Variants in CEP128 observed in about 807,000 individuals in gnomAD.
The protein encoded by CEP128 is centrosomal protein 128, also known as centrosomal protein 128kDa.
In CEP128, 132 loss-of-function variants were observed where a neutral mutation model predicts 156.7. The observed-to-expected ratio is 0.84, with a 90% CI of 0.73 to 0.97. CEP128 has a LOEUF of 0.97. Among genes scored for constraint, CEP128 ranks in the 50% least tolerant of loss-of-function variants. CEP128 has a pLI of 0.00. For synonymous variants in CEP128, 469 were observed against 448.9 expected (o/e 1.04, Z -0.57); for missense variants, 1,252 against 1,281.9 (o/e 0.98, Z 0.36).
chr14:80,501,832 C>T (rs1330265347), intron 24 of CEP128, among the ~76,000 whole-genome samples: 4 of 151,826 alleles, frequency 2.6e-5, no homozygotes, highest in African/African-American at 4.8e-5. Context: ...GGCTTCGACA[C>T]CTGCCCAAAT....
chr14:80,689,200 CA>C (rs564500178), intron 19 of CEP128, among the ~76,000 whole-genome samples: 5 of 129,466 alleles, frequency 3.9e-5, no homozygotes, highest in African/African-American at 1.1e-4. Flanking sequence ...ACTAAAAATA[CA>C]AAAAAAAATT....
intron 21 of CEP128, among the ~76,000 whole-genome samples, chr14:80,558,478 C>T (rs1360851942): frequency 1.3e-5 from 2 of 152,042 alleles, no homozygotes; most frequent in East Asian, 1.9e-4. Flanking sequence ...TTAGTAAAGA[C>T]GGGGTTTTAC....
rs138475935 is a variant in CEP128, at chr14:80,929,866, C to T, written c.-16+9519G>A. Among the ~76,000 whole-genome samples the T allele has an allele frequency of 3.7e-3, 564 of 152,296 alleles. 3 individuals carry two copies. The highest frequency in any genetic ancestry group is 0.013 in the African/African-American group (524 of 41,558). The stretch of plus-strand genomic sequence containing the variant: ...ACCACTTACATCCTAAAGCAGGGGT[C>T]TCCAGCCATGAGCCAAGGACCACTA... On this transcript the variant is annotated intron_variant, in intron 2 of 24. Transcript: ENST00000555265.
chr14:80,845,711 T>C (rs1482114504), intron 9 of CEP128, among the ~76,000 whole-genome samples: 2 of 152,150 alleles, frequency 1.3e-5, no homozygotes, highest in African/African-American at 4.8e-5. Flanking sequence ...GTTTTTTTTG[T>C]TTTTCACTAT....
At chr14:80,835,591 T>A (rs915330488) in intron 12 of CEP128, among the ~76,000 whole-genome samples, 1 of 152,196 alleles carries the variant, frequency 6.6e-6, no homozygotes, top group African/African-American at 2.4e-5. Flanking sequence ...ATAATCTCAA[T>A]ATTATCATTA....
intron 15 of CEP128, among the ~76,000 whole-genome samples, 168 bp from the exon 16 acceptor site, chr14:80,778,214 T>C (rs567702099): frequency 2.0e-5 from 3 of 152,346 alleles, no homozygotes; most frequent in African/African-American, 7.2e-5. Context: ...TTGCAGTTAT[T>C]CAATCGCTCA....
intron 14 of CEP128, among the ~76,000 whole-genome samples, chr14:80,788,812 C>T (rs1901556288): frequency 6.6e-6 from 1 of 152,238 alleles, no homozygotes; most frequent in East Asian, 1.9e-4. Flanking sequence ...TTTCCATAAA[C>T]TTGAATTTTT....
At chr14:80,758,308 G>A (rs913956289) in intron 17 of CEP128, among the ~76,000 whole-genome samples, 2 of 152,172 alleles carry the variant, frequency 1.3e-5, no homozygotes, top group Admixed American at 6.5e-5. Flanking sequence ...GATCACCTGA[G>A]GTCAGGAGTA....
At chr14:80,707,286 GA>G (rs1295613103) in intron 19 of CEP128, among the ~76,000 whole-genome samples, 1 of 152,084 alleles carries the variant, frequency 6.6e-6, no homozygotes, top group African/African-American at 2.4e-5. Context: ...TGGTTCTAAT[GA>G]CAGTTAAATT....
chr14:80,888,731 G>GCC (rs1282741010), intron 8 of CEP128, among the ~76,000 whole-genome samples: 1 of 152,146 alleles, frequency 6.6e-6, no homozygotes, highest in African/African-American at 2.4e-5. Context: ...AGACAAGGAT[G>GCC]CCCTCTCTCT....
At chr14:80,931,121 G>A (rs1885436110) in intron 2 of CEP128, among the ~76,000 whole-genome samples, 1 of 152,214 alleles carries the variant, frequency 6.6e-6, no homozygotes, top group African/African-American at 2.4e-5. Flanking sequence ...AGGAGGATGT[G>A]CATGAGGATA....
At chr14:80,749,528 G>A (rs940539434) in intron 18 of CEP128, among the ~76,000 whole-genome samples, 1 of 152,138 alleles carries the variant, frequency 6.6e-6, no homozygotes, top group Non-Finnish European at 1.5e-5. Flanking sequence ...CCAGAAAAAG[G>A]AAGACGAACT....
At chr14:80,595,005 C>T (rs1892250671) in intron 19 of CEP128, among the ~76,000 whole-genome samples, 1 of 152,188 alleles carries the variant, frequency 6.6e-6, no homozygotes, top group Non-Finnish European at 1.5e-5. Flanking sequence ...AATCATTCTA[C>T]TGTTAAAACA....
At chr14:80,668,891 A>C (rs1895732537) in intron 19 of CEP128, among the ~76,000 whole-genome samples, 1 of 152,192 alleles carries the variant, frequency 6.6e-6, no homozygotes, top group Admixed American at 6.5e-5. Context: ...GTTTTATAAA[A>C]GGAAGTTCCC....
At chr14:80,691,902 A>G (rs908678107) in intron 19 of CEP128, among the ~76,000 whole-genome samples, 21 of 152,244 alleles carry the variant, frequency 1.4e-4, no homozygotes, top group African/African-American at 5.1e-4. Context: ...ATCAGGGAAT[A>G]TCATCCAAAA....
chr14:80,955,548 C>T, intron 2 of CEP128: 1 of 1,085,188 alleles, frequency 9.2e-7, no homozygotes, highest in East Asian at 2.4e-5. Flanking sequence ...GGTGAGGTCA[C>T]AGCCCCTTGG....
chr14:80,909,593 G>A (rs145700605), intron 4 of CEP128, among the ~76,000 whole-genome samples: 7 of 152,088 alleles, frequency 4.6e-5, no homozygotes, highest in East Asian at 1.9e-4. Context: ...ATAAAATTAC[G>A]TTATGTAAAG....
rs371671363 is a variant in CEP128 at position 80,901,896 on chromosome 14, AAATAATTT to A, written c.481-1875_481-1868del. On this transcript the variant is annotated intron_variant, in intron 6 of 24. Coordinates refer to ENST00000555265, the MANE Select transcript of CEP128 (RefSeq NM_152446.5). ...CACTACAGCCAGAGTGATCTTTTCA[AAATAATTT>A]TGTCAGCCCTGTTACACGGCTCTAC... Among the ~76,000 whole-genome samples, 866 of 152,246 alleles carry A rather than the reference AAATAATTT, an allele frequency of 5.7e-3. 9 individuals are homozygous for A. The highest frequency in any genetic ancestry group is 0.02 in the African/African-American group (831 of 41,546).
chr14:80,893,357 G>T (rs1032289450), intron 8 of CEP128, among the ~76,000 whole-genome samples: 1 of 151,748 alleles, frequency 6.6e-6, no homozygotes, highest in African/African-American at 2.4e-5. Flanking sequence ...ATGGGAAGAT[G>T]CAGGTCAGAG....
Sources: gnomAD v4.1 joint callset for allele counts (sites outside exome capture counted in the v4.1 genomes callset) on GRCh38, gnomAD v4.1.1 for gene constraint, MANE v1.5 for transcripts, NCBI Gene and HGNC (gene_info 2026-07-23, HGNC 2026-07-21) for gene names.